TBCE: variants seen among roughly 807,000 people sequenced by gnomAD.
TBCE encodes the protein tubulin-specific chaperone E.
In TBCE, 53 loss-of-function variants were observed where a neutral mutation model predicts 77.0. That is an observed-to-expected ratio of 0.69 (90% confidence interval 0.55 to 0.87). TBCE has a LOEUF of 0.87. Ranked by LOEUF, TBCE falls within the 40% of genes least tolerant of loss-of-function variation. The pLI is 0.00. For synonymous variants in TBCE, 235 were observed against 241.3 expected (o/e 0.97, Z 0.24); for missense variants, 624 against 622.4 (o/e 1.00, Z -0.03).
chr1:235,437,013 C>T (rs1197174817), intron 11 of TBCE, among the ~76,000 whole-genome samples: 1 of 151,968 alleles, frequency 6.6e-6, no homozygotes, highest in Non-Finnish European at 1.5e-5. Context: ...CCTGTAATCC[C>T]AGCTACTCGG....
intron 13 of TBCE, among the ~76,000 whole-genome samples, chr1:235,440,215 C>T (rs1286444409): frequency 6.6e-6 from 1 of 152,102 alleles, no homozygotes; most frequent in East Asian, 1.9e-4. Context: ...TGTGATCCAC[C>T]CACCTTGGCC....
intron 8 of TBCE, 129 bp downstream of exon 8, chr1:235,434,409 T>TATTC (rs758623463): frequency 1.9e-4 from 157 of 806,942 alleles, no homozygotes; most frequent in Non-Finnish European, 2.7e-4. Flanking sequence ...AAATGCTTAT[T>TATTC]ATTCATTGCC....
intron 1 of TBCE, among the ~76,000 whole-genome samples, chr1:235,378,150 T>C (rs1677412102): frequency 6.6e-6 from 1 of 152,230 alleles, no homozygotes; most frequent in Non-Finnish European, 1.5e-5. Context: ...GAAAAATACT[T>C]TGTTCAATAG....
chr1:235,419,373 TTGG>T, intron 4 of TBCE, 97 bp from the exon 5 acceptor site: 1 of 1,542,608 alleles, frequency 6.5e-7, no homozygotes, highest in Non-Finnish European at 8.9e-7. Context: ...TATATTATTT[TTGG>T]TACCCTTTTA....
chr1:235,369,051 G>A (rs1176411510), intron 1 of TBCE, among the ~76,000 whole-genome samples: 1 of 151,942 alleles, frequency 6.6e-6, no homozygotes, highest in African/African-American at 2.4e-5. Flanking sequence ...ACCTTCACTT[G>A]TTCAAGTTAC....
chr1:235,412,142 T>A (rs1428232842), intron 3 of TBCE, among the ~76,000 whole-genome samples: 2 of 9,112 alleles, frequency 2.2e-4, no homozygotes, highest in African/African-American at 1.7e-3. Context: ...TCTCCTCCCC[T>A]TCCCCTCCCC....
In TBCE at chr1:235,430,690, T is replaced by C. The variant is rs1399097307; in HGVS notation, c.561-15T>C. ...GTATAGAAATAAGTACATTGTATCTTTTTTTTCTACACAGTGAAAATAAAC... is the reference window on the plus strand; with the variant it reads ...GTATAGAAATAAGTACATTGTATCTCTTTTTTCTACACAGTGAAAATAAAC... On this transcript the variant is annotated splice_polypyrimidine_tract_variant and intron_variant, in intron 6 of 16. Coordinates refer to ENST00000642610, the MANE Select transcript of TBCE (RefSeq NM_003193.5). The C allele has an allele frequency of 1.3e-6, 2 of 1,588,914 alleles. No homozygotes were observed. The highest frequency in any genetic ancestry group is 1.7e-5 in the Admixed American group (1 of 59,514).
chr1:235,398,766 A>G (rs1678907042), intron 2 of TBCE, among the ~76,000 whole-genome samples: 1 of 125,852 alleles, frequency 7.9e-6, no homozygotes, highest in Non-Finnish European at 1.7e-5. Flanking sequence ...CTGTAGTCCC[A>G]GCTACTCGGA....
chr1:235,441,699 C>A, intron 13 of TBCE, 115 bp from the exon 14 acceptor site: 1 of 933,546 alleles, frequency 1.1e-6, no homozygotes, highest in Non-Finnish European at 1.7e-6. Context: ...TCCATGTGTC[C>A]TGGGAAAGGC....
chr1:235,386,499 T>G (rs1274211533), intron 2 of TBCE, among the ~76,000 whole-genome samples: 1 of 152,178 alleles, frequency 6.6e-6, no homozygotes, highest in African/African-American at 2.4e-5. Context: ...TGTTCATTTC[T>G]TTTTATTCTT....
chr1:235,374,920 C>CTTTTT (rs1241323977), intron 1 of TBCE, among the ~76,000 whole-genome samples: 2 of 111,988 alleles, frequency 1.8e-5, no homozygotes, highest in Non-Finnish European at 3.6e-5. Flanking sequence ...CTTTTTTTTT[C>CTTTTT]TTTTTTTTTT....
At chr1:235,423,594 A>G in intron 5 of TBCE, 1 of 153,732 alleles carries the variant, frequency 6.5e-6, no homozygotes, top group Non-Finnish European at 1.5e-5. Flanking sequence ...AGCCGAGAGG[A>G]GGCTGAGGAG....
At chr1:235,377,913 A>G (rs1383323307) in intron 1 of TBCE, among the ~76,000 whole-genome samples, 1 of 152,008 alleles carries the variant, frequency 6.6e-6, no homozygotes, top group Admixed American at 6.6e-5. Flanking sequence ...GGCCTCTCAA[A>G]GTGCTGGGAT....
chr1:235,432,052 C>T (rs1279006033), intron 7 of TBCE, among the ~76,000 whole-genome samples: 15 of 151,930 alleles, frequency 9.9e-5, no homozygotes, highest in South Asian at 4.1e-4. Flanking sequence ...GGCATGATCT[C>T]GGCTCACTGC....
intron 2 of TBCE, among the ~76,000 whole-genome samples, chr1:235,387,537 G>A (rs1394307991): frequency 6.6e-6 from 1 of 152,204 alleles, no homozygotes; most frequent in Non-Finnish European, 1.5e-5. Context: ...CTGCTGCCTT[G>A]CAGTTTGATC....
rs1158559928 is a variant in TBCE, at chr1:235,434,225, T to C, written c.682T>C (p.Cys228Arg). Reference sequence around the variant, plus strand: ...CCAGGTGCTGCGGTGTGTCGCGGGGTGCCCAGGCCTGGAGGAACTCTACCT... The same window carrying C: ...CCAGGTGCTGCGGTGTGTCGCGGGGCGCCCAGGCCTGGAGGAACTCTACCT... Reference protein sequence around the residue: ...WAEVLRCVAGCPGLEELYLES... With the variant: ...WAEVLRCVAGRPGLEELYLES... Residue 228 changes from cysteine (C) to arginine (R), a missense_variant, in exon 8 of 17, where the codon TGC becomes CGC. Cys to Arg is a radical substitution (Grantham distance 180, BLOSUM62 -3). Coordinates refer to ENST00000642610, the MANE Select transcript of TBCE (RefSeq NM_003193.5). The C allele has an allele frequency of 6.2e-7, 1 of 1,614,010 alleles. No individual in the cohort carries two copies.
At chr1:235,397,356 GAT>G (rs1678802452) in intron 2 of TBCE, among the ~76,000 whole-genome samples, 1 of 151,978 alleles carries the variant, frequency 6.6e-6, no homozygotes, top group Non-Finnish European at 1.5e-5. Flanking sequence ...CGCCCGCCAG[GAT>G]GCGCGGCTAA....
In TBCE at chr1:235,450,584, C is replaced by T; in HGVS notation, c.*1822C>T. 1 of 459,092 alleles carries T rather than the reference C, an allele frequency of 2.2e-6. No homozygotes were observed. Among genetic ancestry groups the T allele is most frequent in the Non-Finnish European group, 4.0e-6 (1 of 252,040 alleles). 28.4% of individuals were successfully genotyped at this position (459,092 alleles called of 1,614,324 possible). A position where few individuals can be genotyped will look rare whatever the true frequency, so the allele number is the denominator to read the frequency against. ...GGCGGTGTGTGGATGAAGAGTTAGTCAACAAATGCCATTCCGTAATGAACG... is the reference window on the plus strand; with the variant it reads ...GGCGGTGTGTGGATGAAGAGTTAGTTAACAAATGCCATTCCGTAATGAACG... On this transcript the variant is annotated 3_prime_UTR_variant, in exon 17 of 17. Coordinates refer to ENST00000642610, the MANE Select transcript of TBCE (RefSeq NM_003193.5).
Position 235,449,741 on chromosome 1 carries a change from T to A in TBCE, c.*979T>A, listed in dbSNP as rs1024803757. On this transcript the variant is annotated 3_prime_UTR_variant, in exon 17 of 17. Transcript: ENST00000642610. ...ACCACTGCTCAAATATGTGATCACATGATCACACAGCATTCCTGTGAGTTC... is the reference window on the plus strand; with the variant it reads ...ACCACTGCTCAAATATGTGATCACAAGATCACACAGCATTCCTGTGAGTTC... The A allele has an allele frequency of 6.5e-6, 1 of 154,134 alleles. No homozygotes were observed. Among genetic ancestry groups the A allele is most frequent in the African/African-American group, 2.4e-5 (1 of 41,460 alleles). The allele number at this position is 154,134 out of a possible 1,614,324, so 9.5% of individuals were successfully genotyped here.
Sources: gnomAD v4.1 joint callset for allele counts (sites outside exome capture counted in the v4.1 genomes callset) on GRCh38, gnomAD v4.1.1 for gene constraint, MANE v1.5 for transcripts, NCBI Gene and HGNC (gene_info 2026-07-23, HGNC 2026-07-21) for gene names.